The following MED13L variants were observed in gnomAD, a reference collection of about 807,000 sequenced individuals.
MED13L encodes the protein mediator of RNA polymerase II transcription subunit 13-like.
Under a neutral mutation model 220.9 loss-of-function variants are expected in MED13L, and 7 were observed. The observed-to-expected ratio is 0.03, with a 90% CI of 0.02 to 0.06. The LOEUF (loss-of-function observed/expected upper bound fraction) is 0.06. Among genes scored for constraint, MED13L ranks in the 10% least tolerant of loss-of-function variants. The pLI is 1.00. For synonymous variants in MED13L, 1,011 were observed against 1,015.2 expected (o/e 1.00, Z 0.08); for missense variants, 1,965 against 2,760.5 (o/e 0.71, Z 6.46).
rs555820570 is a variant in MED13L, at chr12:116,194,219, G to T, written c.310+43249C>A. Among the ~76,000 whole-genome samples the T allele has an allele frequency of 6.6e-5, 10 of 151,838 alleles. 1 individual carries two copies. In the South Asian group the frequency reaches 2.1e-3, roughly 32 times the overall value. On this transcript the variant is annotated intron_variant, in intron 2 of 30. Transcript: ENST00000281928. ...TCGCTCTTTTTGTCCAACCTGGAGT[G>T]CAATGGTGCAACCTCGGCTCGTCGC... is the stretch of plus-strand genomic sequence containing the variant.
intron 4 of MED13L, among the ~76,000 whole-genome samples, chr12:116,059,501 T>C (rs1461262316): frequency 1.3e-5 from 2 of 150,296 alleles, no homozygotes; most frequent in Non-Finnish European, 3.0e-5. Context: ...CACTGCAACC[T>C]CCGCCTCCCG....
intron 2 of MED13L, among the ~76,000 whole-genome samples, chr12:116,156,463 G>C (rs1878449911): frequency 6.6e-6 from 1 of 151,530 alleles, no homozygotes; most frequent in South Asian, 2.1e-4. Context: ...ATCTGATGGG[G>C]AGGCAGGGGT....
chr12:115,967,132 C>T (rs1876222273), intron 28 of MED13L, among the ~76,000 whole-genome samples: 2 of 127,816 alleles, frequency 1.6e-5, no homozygotes, highest in Non-Finnish European at 3.1e-5. Context: ...GATCATGCCA[C>T]TGCACTCTAG....
chr12:115,967,668 G>A (rs536238022), intron 28 of MED13L, among the ~76,000 whole-genome samples: 1 of 152,308 alleles, frequency 6.6e-6, no homozygotes, highest in East Asian at 1.9e-4. Context: ...AAGTTAGCTT[G>A]TCCAAGGTCA....
At chr12:116,086,365 C>A (rs1871688763) in intron 4 of MED13L, among the ~76,000 whole-genome samples, 1 of 151,252 alleles carries the variant, frequency 6.6e-6, no homozygotes. Flanking sequence ...CTCACTGCAA[C>A]CTCCGCCTCC....
intron 4 of MED13L, among the ~76,000 whole-genome samples, chr12:116,050,969 T>C (rs950662664): frequency 2.0e-5 from 3 of 152,006 alleles, no homozygotes; most frequent in Admixed American, 6.6e-5. Flanking sequence ...CCCAGAAATT[T>C]ACATTCTTCA....
chr12:116,052,078 TACAC>T (rs79990251), intron 4 of MED13L, among the ~76,000 whole-genome samples: 24 of 149,592 alleles, frequency 1.6e-4, no homozygotes, highest in African/African-American at 2.5e-4. Context: ...CCTACACACA[TACAC>T]ACACACACAC....
chr12:116,031,354 C>T lies in MED13L; in HGVS notation c.480-8753G>A, dbSNP rs541052217. 6.1e-3 allele frequency among the ~76,000 whole-genome samples: 922 copies of T among 151,520 alleles called. 6 individuals carry two copies. Among genetic ancestry groups the T allele is most frequent in the Non-Finnish European group, 9.8e-3 (666 of 67,824 alleles). On this transcript the variant is annotated intron_variant, in intron 4 of 30. Transcript: ENST00000281928. ...AAGCACTTTGGGAGGCAGAGGCGGG[C>T]GGATCACGAGGTCAGGAGATTGAGA...
At chr12:116,129,923 G>A (rs1372900852) in intron 2 of MED13L, among the ~76,000 whole-genome samples, 10 of 143,756 alleles carry the variant, frequency 7.0e-5, no homozygotes, top group Non-Finnish European at 1.1e-4. Context: ...AAAAAAAAAA[G>A]AAAGAAAGAA....
intron 3 of MED13L, among the ~76,000 whole-genome samples, chr12:116,099,325 C>T (rs1593042515): frequency 6.6e-6 from 1 of 152,158 alleles, no homozygotes; most frequent in Non-Finnish European, 1.5e-5. Flanking sequence ...CGTGATAATG[C>T]TTCTTTAGTC....
intron 4 of MED13L, among the ~76,000 whole-genome samples, chr12:116,060,507 G>T (rs999975735): frequency 6.6e-6 from 1 of 151,306 alleles, no homozygotes. Context: ...GAACCCAGGA[G>T]GTGGAGGTTG....
At chr12:116,276,964 G>C (rs759942425) in intron 1 of MED13L, 96 bp downstream of exon 1, 1 of 1,345,226 alleles carries the variant, frequency 7.4e-7, no homozygotes, top group Non-Finnish European at 1.0e-6. Context: ...GAGGGGCGAA[G>C]TCCCGGCGGC....
rs201638026 is a variant in MED13L at position 116,240,536 on chromosome 12, A to ATT, written c.73-2833_73-2832dup. On this transcript the variant is annotated intron_variant, in intron 1 of 30. Transcript: ENST00000281928. ...AAAAGGTAAGCAGAAGATTTATTTT[A>ATT]TTTTTTTTTTTTTGGAGACGGAGTC... Among the ~76,000 whole-genome samples the ATT allele has an allele frequency of 9.3e-4, 134 of 143,864 alleles. 2 individuals are homozygous for ATT. The highest frequency in any genetic ancestry group is 2.7e-3 in the African/African-American group (104 of 39,240). The allele number at this position is 143,864 out of a possible 152,430, so 94.4% of individuals were successfully genotyped here. A position where few individuals can be genotyped will look rare whatever the true frequency, so the allele number is the denominator to read the frequency against.
At chr12:116,209,880 A>G (rs936038590) in intron 2 of MED13L, among the ~76,000 whole-genome samples, 1 of 152,204 alleles carries the variant, frequency 6.6e-6, no homozygotes, top group African/African-American at 2.4e-5. Context: ...CTAACCTAGC[A>G]TAAGTTAGGA....
chr12:116,267,499 T>C (rs191529023), intron 1 of MED13L, among the ~76,000 whole-genome samples: 61 of 152,330 alleles, frequency 4.0e-4, no homozygotes, highest in Non-Finnish European at 8.2e-4. Flanking sequence ...AAGAACATCA[T>C]CTAGTCATCC....
intron 2 of MED13L, among the ~76,000 whole-genome samples, chr12:116,112,861 C>A (rs1362961699): frequency 6.6e-6 from 1 of 152,146 alleles, no homozygotes; most frequent in African/African-American, 2.4e-5. Flanking sequence ...AGAAAGAACA[C>A]CCCACATTAA....
At chr12:116,022,790 G>A (rs1036504370) in intron 4 of MED13L, among the ~76,000 whole-genome samples, 189 bp from the exon 5 acceptor site, 13 of 152,086 alleles carry the variant, frequency 8.5e-5, no homozygotes, top group Admixed American at 6.5e-4. Flanking sequence ...CTGGAAATAC[G>A]AATATACTGC....
intron 5 of MED13L, among the ~76,000 whole-genome samples, 153 bp from the exon 6 acceptor site, chr12:116,020,125 A>T (rs548865784): frequency 1.3e-5 from 2 of 152,242 alleles, no homozygotes; most frequent in South Asian, 4.1e-4. Flanking sequence ...TTTAAAAGAA[A>T]TTTTTTTAAA....
chr12:116,206,893 C>G (rs1224709848), intron 2 of MED13L, among the ~76,000 whole-genome samples: 1 of 151,642 alleles, frequency 6.6e-6, no homozygotes, highest in Non-Finnish European at 1.5e-5. Context: ...TTTTATATAT[C>G]CCCCCCAAAA....
Sources: gnomAD v4.1 joint callset for allele counts (sites outside exome capture counted in the v4.1 genomes callset) on GRCh38, gnomAD v4.1.1 for gene constraint, MANE v1.5 for transcripts, NCBI Gene and HGNC (gene_info 2026-07-23, HGNC 2026-07-21) for gene names.